Variants in WDR64 observed in about 807,000 individuals in gnomAD.
WDR64 encodes WD repeat-containing protein 64.
A neutral mutation model predicts 139.3 loss-of-function variants in WDR64; 112 were observed. That is an observed-to-expected ratio of 0.80 (90% CI 0.69 to 0.94). The LOEUF is 0.94. Among genes scored for constraint, WDR64 ranks in the 40% least tolerant of loss-of-function variants. The probability of loss-of-function intolerance (pLI) is 0.00; values close to 1 mark genes in which losing one functional copy is unlikely to be tolerated. For synonymous variants in WDR64, 444 were observed against 437.7 expected (o/e 1.01, Z -0.18); for missense variants, 1,206 against 1,293.1 (o/e 0.93, Z 1.03).
chr1:241,727,735 A>G (rs942506058), intron 10 of WDR64, among the ~76,000 whole-genome samples: 2 of 152,114 alleles, frequency 1.3e-5, no homozygotes, highest in African/African-American at 4.8e-5. Flanking sequence ...TATGATAAGT[A>G]TGGTAAGAAA....
intron 12 of WDR64, among the ~76,000 whole-genome samples, chr1:241,743,547 A>T (rs1366762938): frequency 3.3e-5 from 5 of 152,062 alleles, no homozygotes; most frequent in Non-Finnish European, 5.9e-5. Flanking sequence ...TTCCTGGAGG[A>T]AAGATGAACT....
chr1:241,676,533 T>C (rs975107776), intron 4 of WDR64: 5 of 152,122 alleles, frequency 3.3e-5, no homozygotes, highest in African/African-American at 1.2e-4. Context: ...TAGAAAATAA[T>C]AGGAGAAGGA....
chr1:241,687,986 G>A (rs1342223428), intron 8 of WDR64, among the ~76,000 whole-genome samples: 4 of 152,168 alleles, frequency 2.6e-5, no homozygotes, highest in Non-Finnish European at 5.9e-5. Context: ...TGTTTCATGT[G>A]TAATATACAA....
intron 13 of WDR64, among the ~76,000 whole-genome samples, chr1:241,746,525 T>TAAAA (rs111783354): frequency 2.0e-5 from 3 of 147,568 alleles, no homozygotes; most frequent in Admixed American, 6.8e-5. Flanking sequence ...GGTGGTGTTT[T>TAAAA]AAAAAAAAAA....
chr1:241,763,092 T>C (rs1183905613), intron 15 of WDR64, among the ~76,000 whole-genome samples: 4 of 152,180 alleles, frequency 2.6e-5, no homozygotes, highest in South Asian at 2.1e-4. Context: ...CTACATATAA[T>C]TGGAAACACT....
At chr1:241,738,808 T>C (rs535147331) in intron 11 of WDR64, among the ~76,000 whole-genome samples, 1 of 152,318 alleles carries the variant, frequency 6.6e-6, no homozygotes, top group East Asian at 1.9e-4. Flanking sequence ...TTTAATAATC[T>C]GAAAACACCA....
Position 241,683,710 on chromosome 1 carries a change from A to G in WDR64, c.839+9A>G. 6.6e-7 allele frequency: 1 copy of G among 1,507,996 alleles called. No individual in the cohort carries two copies. Among genetic ancestry groups the G allele is most frequent in the South Asian group, 1.3e-5 (1 of 77,746 alleles). 93.4% of individuals were successfully genotyped at this position (1,507,996 alleles called of 1,614,324 possible). On this transcript the variant is annotated intron_variant, in intron 7 of 27. Transcript: ENST00000437684. ...TCAAAGAACTTTAAAAGGTAAGAGT[A>G]TCATACAGTTAATTTAATTCTTTTA...
chr1:241,724,705 G>A (rs533114284), intron 10 of WDR64, among the ~76,000 whole-genome samples: 1 of 152,220 alleles, frequency 6.6e-6, no homozygotes, highest in South Asian at 2.1e-4. Flanking sequence ...TAACTTTTGG[G>A]TAATTCCTAA....
At chr1:241,758,770 G>A (rs1363096565) in intron 15 of WDR64, among the ~76,000 whole-genome samples, 1 of 152,068 alleles carries the variant, frequency 6.6e-6, no homozygotes, top group African/African-American at 2.4e-5. Flanking sequence ...AGATGATCCA[G>A]GCTCATCTTG....
chr1:241,684,098 G>A (rs1666920011), intron 7 of WDR64, among the ~76,000 whole-genome samples: 1 of 152,098 alleles, frequency 6.6e-6, no homozygotes, highest in Non-Finnish European at 1.5e-5. Flanking sequence ...AAAAGCAATG[G>A]ATATAGAATT....
intron 1 of WDR64, among the ~76,000 whole-genome samples, chr1:241,658,820 A>G (rs1037595778): frequency 1.3e-5 from 2 of 152,158 alleles, no homozygotes; most frequent in African/African-American, 4.8e-5. Context: ...CAGAGAATGT[A>G]TCAAACACCA....
intron 13 of WDR64, among the ~76,000 whole-genome samples, chr1:241,744,790 T>C (rs1669689550): frequency 6.6e-6 from 1 of 152,260 alleles, no homozygotes; most frequent in African/African-American, 2.4e-5. Context: ...ACATCTCATC[T>C]AATCTGTGTT....
chr1:241,688,673 T>C (rs933930415), intron 8 of WDR64, among the ~76,000 whole-genome samples: 2 of 152,166 alleles, frequency 1.3e-5, no homozygotes, highest in African/African-American at 2.4e-5. Flanking sequence ...GGGCAAACAC[T>C]GGGAATCACA....
intron 26 of WDR64, among the ~76,000 whole-genome samples, chr1:241,795,489 C>G (rs920111132): frequency 6.6e-6 from 1 of 152,146 alleles, no homozygotes; most frequent in African/African-American, 2.4e-5. Flanking sequence ...TCTGCCATAC[C>G]ACGTGGTGGT....
At chr1:241,748,375 A>G (rs765063728) in intron 13 of WDR64, among the ~76,000 whole-genome samples, 10 of 152,148 alleles carry the variant, frequency 6.6e-5, no homozygotes, top group African/African-American at 9.7e-5. Context: ...GCGCTGGCAG[A>G]TCTGGTGTCT....
At chr1:241,673,224 A>T (rs1666307550) in intron 3 of WDR64, among the ~76,000 whole-genome samples, 1 of 151,998 alleles carries the variant, frequency 6.6e-6, no homozygotes, top group African/African-American at 2.4e-5. Flanking sequence ...AGATACACCT[A>T]ATGCTAAATG....
At position 241,671,067 on chromosome 1, in the gene WDR64, A is replaced by G. The variant is rs780355540; in HGVS notation, c.277-7A>G. The G allele has an allele frequency of 3.0e-5, 46 of 1,532,854 alleles. No homozygotes were observed. Among genetic ancestry groups the G allele is most frequent in the Non-Finnish European group, 4.0e-5 (46 of 1,136,852 alleles). The allele number at this position is 1,532,854 out of a possible 1,614,324, so 95.0% of individuals were successfully genotyped here. The stretch of plus-strand genomic sequence containing the variant: ...TGCATATTTATATGTGCTGTTTGGG[A>G]TTTCAGATCTTTGGATACTTCTCCT... On this transcript the variant is annotated splice_region_variant and splice_polypyrimidine_tract_variant and intron_variant, in intron 2 of 27. Transcript: ENST00000437684.
chr1:241,729,725 G>A (rs1277469911), intron 10 of WDR64, among the ~76,000 whole-genome samples: 1 of 152,090 alleles, frequency 6.6e-6, no homozygotes, highest in Non-Finnish European at 1.5e-5. Context: ...AAATAAACCT[G>A]GAGATAGAAA....
chr1:241,705,552 AAT>A (rs1467664578), intron 8 of WDR64, among the ~76,000 whole-genome samples: 2 of 73,524 alleles, frequency 2.7e-5, no homozygotes, highest in African/African-American at 1.2e-4. Flanking sequence ...TAAAAAAATA[AAT>A]AAATAAATAA....
Sources: allele counts gnomAD v4.1 joint callset (sites outside exome capture counted in the v4.1 genomes callset), GRCh38; gene constraint gnomAD v4.1.1; transcripts MANE v1.5; gene names NCBI Gene and HGNC (gene_info 2026-07-23, HGNC 2026-07-21).